The following PRKAR1A variants were observed in gnomAD, a reference collection of about 807,000 sequenced individuals.
PRKAR1A encodes the protein cAMP-dependent protein kinase type I-alpha regulatory subunit.
Under a neutral mutation model 52.0 loss-of-function variants are expected in PRKAR1A, and 3 were observed. That is an observed-to-expected ratio of 0.06 (90% CI 0.03 to 0.15). The LOEUF (loss-of-function observed/expected upper bound fraction) is 0.15. Ranked by LOEUF, PRKAR1A falls within the 10% of genes least tolerant of loss-of-function variation. PRKAR1A has a pLI of 1.00. For missense variants in PRKAR1A, 240 were observed against 477.4 expected (o/e 0.50, Z 4.63); for synonymous variants, 188 against 168.4 (o/e 1.12, Z -0.90).
the PRKAR1A span, among the ~76,000 whole-genome samples, chr17:68,440,317 A>G: frequency 6.6e-6 from 1 of 152,364 alleles, no homozygotes; most frequent in East Asian, 1.9e-4. Flanking sequence ...GTATCTTGGG[A>G]ACCACCCAAG....
chr17:68,550,577 C>T (rs2086791639), intron 11 of PRKAR1A, among the ~76,000 whole-genome samples: 1 of 151,974 alleles, frequency 6.6e-6, no homozygotes, highest in African/African-American at 2.4e-5. Flanking sequence ...GATGGGGTTT[C>T]ACCATGATGG....
At chr17:68,463,801 G>A in the PRKAR1A span, among the ~76,000 whole-genome samples, 2 of 152,184 alleles carry the variant, frequency 1.3e-5, no homozygotes, top group African/African-American at 4.8e-5. Context: ...CAGGCAAAGA[G>A]GTCAGAGTGA....
chr17:68,505,640 C>A, the PRKAR1A span, among the ~76,000 whole-genome samples: 2 of 152,080 alleles, frequency 1.3e-5, no homozygotes, highest in African/African-American at 4.8e-5. Flanking sequence ...TAGTGAGACC[C>A]TGACTCTACA....
At chr17:68,547,100 A>C (rs937039415) in intron 11 of PRKAR1A, among the ~76,000 whole-genome samples, 5 of 151,992 alleles carry the variant, frequency 3.3e-5, no homozygotes, top group Non-Finnish European at 7.4e-5. Flanking sequence ...ATGTGTGGTC[A>C]TCCAGGCTTT....
chr17:68,435,568 C>A, the PRKAR1A span: 10 of 1,569,134 alleles, frequency 6.4e-6, no homozygotes, highest in Non-Finnish European at 7.9e-6. Context: ...CTGCGCACGG[C>A]AGGAGCCATC....
chr17:68,543,685 G>C (rs2086415624), intron 11 of PRKAR1A: 3 of 1,614,046 alleles, frequency 1.9e-6, no homozygotes, highest in Admixed American at 1.7e-5. Context: ...CAATGAAGTA[G>C]AAGAAGTCCA....
At chr17:68,508,271 T>A (rs1263906660), upstream of PRKAR1A, among the ~76,000 whole-genome samples, 1 of 152,204 alleles carries the variant, frequency 6.6e-6, no homozygotes, top group Non-Finnish European at 1.5e-5. Context: ...AGCAAAGACA[T>A]GGAATCAACC....
At chr17:68,482,328 A>C in the PRKAR1A span, among the ~76,000 whole-genome samples, 1 of 152,308 alleles carries the variant, frequency 6.6e-6, no homozygotes, top group Admixed American at 6.5e-5. Context: ...AGATGTTATT[A>C]CTCTTTGACA....
downstream of PRKAR1A, chr17:68,536,861 C>A (rs559260402): frequency 2.8e-4 from 127 of 454,026 alleles, 1 homozygote; most frequent in African/African-American, 2.4e-3. Context: ...TAGCAAATCC[C>A]TCTTTTATTT....
chr17:68,538,303 T>A (rs185444163), downstream of PRKAR1A, among the ~76,000 whole-genome samples: 23 of 152,286 alleles, frequency 1.5e-4, no homozygotes, highest in African/African-American at 5.1e-4. Flanking sequence ...TTGACTTTTG[T>A]CAAAAACAGG....
the PRKAR1A span, among the ~76,000 whole-genome samples, chr17:68,425,274 G>A: frequency 6.6e-6 from 1 of 152,146 alleles, no homozygotes; most frequent in South Asian, 2.1e-4. Context: ...CACAATCAGA[G>A]CTCACTGCAG....
chr17:68,476,524 C>T, the PRKAR1A span, among the ~76,000 whole-genome samples: 5 of 152,240 alleles, frequency 3.3e-5, no homozygotes, highest in East Asian at 5.8e-4. Flanking sequence ...GCTTTCCTCC[C>T]GGGGCAACCA....
At chr17:68,448,824 G>A in the PRKAR1A span, among the ~76,000 whole-genome samples, 1 of 152,180 alleles carries the variant, frequency 6.6e-6, no homozygotes, top group African/African-American at 2.4e-5. Context: ...GAAAACACCT[G>A]AGTCAAGAAT....
At chr17:68,550,405 G>C (rs1315985712) in intron 11 of PRKAR1A, among the ~76,000 whole-genome samples, 5 of 112,946 alleles carry the variant, frequency 4.4e-5, no homozygotes, top group Non-Finnish European at 8.4e-5. Context: ...TTAAGATAGA[G>C]AGTCTCCCTC....
chr17:68,457,467 A>G, the PRKAR1A span: 2 of 1,389,006 alleles, frequency 1.4e-6, no homozygotes, highest in Admixed American at 3.7e-5. Context: ...GGCGACAGCC[A>G]CCTCAGCAGC....
chr17:68,529,024 AG>A, intron 9 of PRKAR1A, 33 bp downstream of exon 9: 2 of 1,612,754 alleles, frequency 1.2e-6, no homozygotes, highest in Non-Finnish European at 1.7e-6. Context: ...CTTGAATTTT[AG>A]AGGTAAAGAA....
chr17:68,466,515 G>A, the PRKAR1A span, among the ~76,000 whole-genome samples: 9 of 148,520 alleles, frequency 6.1e-5, no homozygotes, highest in South Asian at 1.9e-3. Context: ...AGGTTCAAGC[G>A]ATTCTAGTGC....
intron 11 of PRKAR1A, chr17:68,541,341 TTCTC>T (rs1568721557): frequency 7.8e-6 from 2 of 257,674 alleles, no homozygotes; most frequent in South Asian, 4.9e-5. Flanking sequence ...TTCCTGCCCT[TTCTC>T]TCTCACACAT....
At chr17:68,457,743 A>T in the PRKAR1A span, among the ~76,000 whole-genome samples, 1 of 151,890 alleles carries the variant, frequency 6.6e-6, no homozygotes, top group African/African-American at 2.4e-5. Flanking sequence ...CCCTTGGCCA[A>T]TCCGTGGCAG....
Sources: allele counts gnomAD v4.1 joint callset (sites outside exome capture counted in the v4.1 genomes callset), GRCh38; gene constraint gnomAD v4.1.1; transcripts MANE v1.5; gene names NCBI Gene and HGNC (gene_info 2026-07-23, HGNC 2026-07-21).